The following CCDC170 variants were observed in gnomAD, a reference collection of about 807,000 sequenced individuals.
CCDC170 encodes coiled-coil domain-containing protein 170.
A neutral mutation model predicts 72.6 loss-of-function variants in CCDC170; 69 were observed. The observed-to-expected ratio is 0.95, with a 90% CI of 0.78 to 1.16. The LOEUF (loss-of-function observed/expected upper bound fraction) is 1.16, where lower values mean the gene tolerates loss of function less well. Among genes scored for constraint, CCDC170 ranks in the 50% most tolerant of loss-of-function variants. CCDC170 has a pLI of 0.00. For synonymous variants in CCDC170, 300 were observed against 303.9 expected (o/e 0.99, Z 0.13); for missense variants, 852 against 832.5 (o/e 1.02, Z -0.29).
chr6:151,563,721 T>C (rs1440364492), intron 5 of CCDC170, among the ~76,000 whole-genome samples: 3 of 152,078 alleles, frequency 2.0e-5, no homozygotes, highest in Non-Finnish European at 4.4e-5. Flanking sequence ...ATGCCCCCAA[T>C]AGTGTTGACC....
At chr6:151,554,128 G>A (rs1056306906) in intron 5 of CCDC170, among the ~76,000 whole-genome samples, 8 of 152,168 alleles carry the variant, frequency 5.3e-5, no homozygotes, top group Admixed American at 1.3e-4. Flanking sequence ...ATTGAAGTAT[G>A]TCTTAAAAAC....
intron 5 of CCDC170, among the ~76,000 whole-genome samples, chr6:151,571,937 C>T (rs1313434484): frequency 2.0e-5 from 3 of 152,146 alleles, no homozygotes; most frequent in South Asian, 2.1e-4. Context: ...CTCACTGTAG[C>T]TTTGAATTCC....
chr6:151,503,798 G>T (rs903510670), intron 1 of CCDC170, among the ~76,000 whole-genome samples: 1 of 152,202 alleles, frequency 6.6e-6, no homozygotes, highest in South Asian at 2.1e-4. Context: ...CTCGATTTGG[G>T]TATATCTAAT....
At chr6:151,605,183 A>C (rs962890492) in intron 9 of CCDC170, among the ~76,000 whole-genome samples, 2 of 152,174 alleles carry the variant, frequency 1.3e-5, no homozygotes, top group Non-Finnish European at 2.9e-5. Flanking sequence ...ACTTTACATA[A>C]TGTCCTCTAG....
At chr6:151,543,845 A>G (rs969719251) in intron 3 of CCDC170, among the ~76,000 whole-genome samples, 3 of 152,216 alleles carry the variant, frequency 2.0e-5, no homozygotes, top group East Asian at 1.9e-4. Flanking sequence ...TGTATATATC[A>G]TATTTTTTTT....
chr6:151,604,816 C>T (rs1000889996), intron 9 of CCDC170, among the ~76,000 whole-genome samples: 2 of 152,118 alleles, frequency 1.3e-5, no homozygotes, highest in African/African-American at 4.8e-5. Context: ...TATTTTGATG[C>T]ATGTATACAA....
intron 1 of CCDC170, among the ~76,000 whole-genome samples, chr6:151,534,333 G>A (rs1782541928): frequency 6.6e-6 from 1 of 151,570 alleles, no homozygotes; most frequent in African/African-American, 2.4e-5. Flanking sequence ...GGGATTACAG[G>A]CCTGAGCCAC....
intron 1 of CCDC170, among the ~76,000 whole-genome samples, chr6:151,506,016 C>A (rs545796085): frequency 6.6e-6 from 1 of 152,144 alleles, no homozygotes; most frequent in East Asian, 1.9e-4. Flanking sequence ...CAGGAGGGTA[C>A]CTTGAGCACA....
intron 5 of CCDC170, among the ~76,000 whole-genome samples, chr6:151,550,318 T>A (rs1306699022): frequency 6.6e-6 from 1 of 152,174 alleles, no homozygotes; most frequent in Non-Finnish European, 1.5e-5. Flanking sequence ...GGAGCCTCCT[T>A]GTGGGTGAAG....
chr6:151,577,692 C>A (rs1375794722), intron 6 of CCDC170, among the ~76,000 whole-genome samples: 3 of 152,182 alleles, frequency 2.0e-5, no homozygotes, highest in Non-Finnish European at 4.4e-5. Context: ...CGCACCAGTG[C>A]CTGGCCTAGT....
intron 1 of CCDC170, among the ~76,000 whole-genome samples, chr6:151,501,280 A>G (rs868555907): frequency 1.3e-5 from 2 of 152,150 alleles, no homozygotes; most frequent in South Asian, 4.1e-4. Context: ...AGGAAAAATG[A>G]AAACTAAATG....
chr6:151,500,898 G>A (rs528598873), intron 1 of CCDC170, among the ~76,000 whole-genome samples: 2 of 152,222 alleles, frequency 1.3e-5, no homozygotes, highest in African/African-American at 4.8e-5. Context: ...AATTTGGTAA[G>A]AGAGCTGCTA....
At chr6:151,563,250 T>C (rs1290603968) in intron 5 of CCDC170, among the ~76,000 whole-genome samples, 2 of 152,216 alleles carry the variant, frequency 1.3e-5, no homozygotes, top group Non-Finnish European at 1.5e-5. Flanking sequence ...TCCAAGTATG[T>C]GTTCACTGGC....
At chr6:151,529,989 C>A (rs6900089) in intron 1 of CCDC170, among the ~76,000 whole-genome samples, 15,605 of 152,152 alleles carry the variant, frequency 0.1, 805 homozygotes, top group Non-Finnish European at 0.11. Context: ...ACCTAACCTA[C>A]TCCCAGAATA....
intron 5 of CCDC170, among the ~76,000 whole-genome samples, chr6:151,559,388 A>G (rs1383330805): frequency 6.6e-6 from 1 of 151,948 alleles, no homozygotes; most frequent in East Asian, 1.9e-4. Context: ...TTCTTTCATC[A>G]GTGTTTTGTA....
intron 1 of CCDC170, among the ~76,000 whole-genome samples, chr6:151,533,836 T>C (rs1211129099): frequency 6.6e-6 from 1 of 152,178 alleles, no homozygotes; most frequent in Non-Finnish European, 1.5e-5. Flanking sequence ...TTTCCCTTTT[T>C]AGACTGTCAG....
chr6:151,579,094 C>T (rs1325073713), intron 6 of CCDC170, among the ~76,000 whole-genome samples: 2 of 151,878 alleles, frequency 1.3e-5, no homozygotes, highest in Non-Finnish European at 2.9e-5. Flanking sequence ...TATTCTTCAC[C>T]CCTCACCCTC....
Position 151,615,569 on chromosome 6 carries a change from C to A in CCDC170, c.1837C>A (p.His613Asn). Residue 613 changes from histidine (H) to asparagine (N), a missense_variant, in exon 10 of 11, where the codon CAT (histidine) becomes AAT (asparagine). Physicochemically the swap from His to Asn is moderately conservative, Grantham distance 68 (BLOSUM62 1). Coordinates refer to ENST00000239374, the MANE Select transcript of CCDC170 (RefSeq NM_025059.4). ...SVKSELDTTEHEAKENKERAR... is the reference protein window; with the variant it reads ...SVKSELDTTENEAKENKERAR... ...CAAGTCAGAACTGGATACCACAGAA[C>A]ATGAGGCTAAGGAGAATAAAGAAAG... The A allele has an allele frequency of 1.2e-6, 2 of 1,613,958 alleles. No individual in the cohort carries two copies. Among genetic ancestry groups the A allele is most frequent in the African/African-American group, 1.3e-5 (1 of 75,006 alleles).
intron 5 of CCDC170, among the ~76,000 whole-genome samples, chr6:151,557,408 CAAA>C (rs201961628): frequency 5.3e-5 from 7 of 132,216 alleles, no homozygotes; most frequent in Admixed American, 7.5e-5. Context: ...GATTCTGTCT[CAAA>C]AAAAAAAAAA....
Sources: gnomAD v4.1 joint callset for allele counts (sites outside exome capture counted in the v4.1 genomes callset) on GRCh38, gnomAD v4.1.1 for gene constraint, MANE v1.5 for transcripts, NCBI Gene and HGNC (gene_info 2026-07-23, HGNC 2026-07-21) for gene names.